C1QTNF1: variants seen among roughly 807,000 people sequenced by gnomAD.
The protein encoded by C1QTNF1 is C1q and TNF related 1, also known as complement C1q tumor necrosis factor-related protein 1.
In C1QTNF1, 22 loss-of-function variants were observed where a neutral mutation model predicts 27.8. That is an observed-to-expected ratio of 0.79 (90% CI 0.56 to 1.13). The LOEUF (loss-of-function observed/expected upper bound fraction) is 1.13. C1QTNF1 is among the 50% of genes most tolerant of loss of function. C1QTNF1 has a pLI of 0.00. For missense variants in C1QTNF1, 373 were observed against 380.2 expected, an observed-to-expected ratio of 0.98 and a Z score of 0.16; for synonymous variants, 166 against 154.3, an observed-to-expected ratio of 1.08 and a Z score of -0.56.
At chr17:79,041,401 G>T (rs1599298865) in intron 1 of C1QTNF1, among the ~76,000 whole-genome samples, 1 of 152,194 alleles carries the variant, frequency 6.6e-6, no homozygotes, top group African/African-American at 2.4e-5. Context: ...AGGCTCTATC[G>T]GGAGAGCCCT....
chr17:79,029,212 C>G (rs1310862487), intron 1 of C1QTNF1, among the ~76,000 whole-genome samples: 1 of 152,168 alleles, frequency 6.6e-6, no homozygotes, highest in East Asian at 1.9e-4. Context: ...GCACCGTAAC[C>G]CTGAGCCCAG....
Position 79,035,512 on chromosome 17 carries a change from C to A in C1QTNF1, c.-14-8443C>A, listed in dbSNP as rs940812215. 2.6e-4 allele frequency among the ~76,000 whole-genome samples: 39 copies of A among 151,718 alleles called. 1 individual carries two copies. The highest frequency in any genetic ancestry group is 5.4e-4 in the Non-Finnish European group (37 of 67,966). On this transcript the variant is annotated intron_variant, in intron 1 of 3. Coordinates refer to ENST00000579760, the MANE Select transcript of C1QTNF1 (RefSeq NM_030968.5). The stretch of plus-strand genomic sequence containing the variant: ...GTGATGCGATCTCAGCTCACTGCAA[C>A]CTCTGCCTCCTGGGTTCAAGCGATT...
chr17:79,037,187 T>C (rs1247276882), intron 1 of C1QTNF1, among the ~76,000 whole-genome samples: 1 of 152,202 alleles, frequency 6.6e-6, no homozygotes, highest in Non-Finnish European at 1.5e-5. Flanking sequence ...TGGAGTGCAG[T>C]GGCATGATCT....
chr17:79,027,088 G>GC (rs1337098022), intron 1 of C1QTNF1, among the ~76,000 whole-genome samples: 1 of 151,564 alleles, frequency 6.6e-6, no homozygotes, highest in Non-Finnish European at 1.5e-5. Flanking sequence ...GGGCGGGGGG[G>GC]GGCTGTGGCT....
chr17:79,046,749 G>C lies in C1QTNF1; in HGVS notation c.295+55G>C, dbSNP rs1035847572. 8 of 1,604,768 alleles carry C rather than the reference G, an allele frequency of 5.0e-6. No homozygotes were observed. The highest frequency in any genetic ancestry group is 6.8e-6 in the Non-Finnish European group (8 of 1,173,824). On this transcript the variant is annotated intron_variant, in intron 3 of 3. Coordinates refer to ENST00000579760, the MANE Select transcript of C1QTNF1 (RefSeq NM_030968.5). This position sits in a 1 kb window ranked among gnomAD's most constrained non-coding sequence, Gnocchi z 4.8. ...TGGCCGGGCTGCTCTGTGCTGATCCGGAGGAAGGGATGGAGTCGTTAGGGT... is the reference window on the plus strand; with the variant it reads ...TGGCCGGGCTGCTCTGTGCTGATCCCGAGGAAGGGATGGAGTCGTTAGGGT...
Position 79,027,121 on chromosome 17 carries a change from G to A in C1QTNF1, c.-15+2627G>A, listed in dbSNP as rs560091102. 6.6e-5 allele frequency among the ~76,000 whole-genome samples: 10 copies of A among 152,086 alleles called. No homozygotes were observed. In the East Asian group the frequency reaches 1.7e-3, roughly 27 times the overall value. On this transcript the variant is annotated intron_variant, in intron 1 of 3. Coordinates refer to ENST00000579760, the MANE Select transcript of C1QTNF1 (RefSeq NM_030968.5). Reference sequence around the variant, plus strand: ...GCTGAGGCTCCAGAACCTTAGGGAAGGGGTGGGGGTGACGGACACCAGGAA... The same window carrying A: ...GCTGAGGCTCCAGAACCTTAGGGAAAGGGTGGGGGTGACGGACACCAGGAA...
chr17:79,043,831 A>C (rs1181144227), intron 1 of C1QTNF1, 124 bp from the exon 2 acceptor site: 1 of 1,001,744 alleles, frequency 1.0e-6, no homozygotes, highest in Non-Finnish European at 1.6e-6. Context: ...AGCATTTCCC[A>C]GTGGCGTGAG....
At chr17:79,036,880 T>C (rs1411892297) in intron 1 of C1QTNF1, among the ~76,000 whole-genome samples, 2 of 152,214 alleles carry the variant, frequency 1.3e-5, no homozygotes, top group Non-Finnish European at 2.9e-5. Flanking sequence ...AAGGAGATTA[T>C]AGGCTTCTTG....
At chr17:79,028,045 G>A (rs557905496) in intron 1 of C1QTNF1, among the ~76,000 whole-genome samples, 2 of 152,332 alleles carry the variant, frequency 1.3e-5, no homozygotes, top group Non-Finnish European at 2.9e-5. Context: ...CCGTCGGGAC[G>A]GCTGTGGCCG....
chr17:79,031,777 A>G (rs1192451676), intron 1 of C1QTNF1, among the ~76,000 whole-genome samples: 1 of 152,232 alleles, frequency 6.6e-6, no homozygotes, highest in African/African-American at 2.4e-5. Context: ...CTGGACATGT[A>G]GGTGGTTTGT....
rs1035847572 is a variant in C1QTNF1 at position 79,046,749 on chromosome 17, G to A, written c.295+55G>A. The stretch of plus-strand genomic sequence containing the variant: ...TGGCCGGGCTGCTCTGTGCTGATCC[G>A]GAGGAAGGGATGGAGTCGTTAGGGT... On this transcript the variant is annotated intron_variant, in intron 3 of 3. Transcript: ENST00000579760. The surrounding 1 kb of genome is among the most constrained non-coding windows in gnomAD (Gnocchi z 4.8). 5.0e-5 allele frequency: 81 copies of A among 1,604,652 alleles called. 1 individual carries two copies. Among genetic ancestry groups the A allele is most frequent in the South Asian group, 3.0e-4 (27 of 90,518 alleles).
Position 79,043,994 on chromosome 17 carries a change from TGC to T in C1QTNF1, c.27_28del (p.Leu9PhefsTer32). The T allele has an allele frequency of 1.9e-6, 3 of 1,614,198 alleles. No individual in the cohort carries two copies. Among genetic ancestry groups the T allele is most frequent in the Non-Finnish European group, 2.5e-6 (3 of 1,180,026 alleles). Reference sequence around the variant, plus strand: ...ATGGGCTCCCGTGGACAGGGACTCTTGCTGGCGTACTGCCTGCTCCTTGCCTT... The same window carrying T: ...ATGGGCTCCCGTGGACAGGGACTCTTTGGCGTACTGCCTGCTCCTTGCCTT... On this transcript the variant is annotated frameshift_variant, in exon 2 of 4. Transcript: ENST00000579760. LOFTEE classifies it high-confidence loss of function.
At chr17:79,044,206 G>A (rs2072506725) in intron 2 of C1QTNF1, 83 bp downstream of exon 2, 1 of 1,415,124 alleles carries the variant, frequency 7.1e-7, no homozygotes, top group Non-Finnish European at 9.3e-7. Flanking sequence ...GGGGGAGCTA[G>A]TTCACTGTGA....
At chr17:79,047,439 C>A (rs556533504) in intron 3 of C1QTNF1, 99 bp from the exon 4 acceptor site, 2 of 1,244,556 alleles carry the variant, frequency 1.6e-6, no homozygotes, top group Non-Finnish European at 2.2e-6. Flanking sequence ...GCTGTGAGGA[C>A]GAATCAGGAC....
At chr17:79,047,407 G>A in intron 3 of C1QTNF1, 131 bp from the exon 4 acceptor site, 1 of 922,166 alleles carries the variant, frequency 1.1e-6, no homozygotes, top group Non-Finnish European at 1.6e-6. Flanking sequence ...GGGGGCAGGA[G>A]TGAAGCTTCT....
At chr17:79,030,454 C>CT (rs2072094131) in intron 1 of C1QTNF1, among the ~76,000 whole-genome samples, 2 of 140,988 alleles carry the variant, frequency 1.4e-5, no homozygotes, top group African/African-American at 5.5e-5. Context: ...TTTCTTCTTT[C>CT]TTTCTTTTCT....
chr17:79,027,970 C>G (rs1439944881), intron 1 of C1QTNF1, among the ~76,000 whole-genome samples: 1 of 152,236 alleles, frequency 6.6e-6, no homozygotes, highest in Non-Finnish European at 1.5e-5. Flanking sequence ...AGCCGTTCTC[C>G]AGCTTCAGAT....
chr17:79,043,694 A>G (rs560441595), intron 1 of C1QTNF1: 90 of 590,264 alleles, frequency 1.5e-4, no homozygotes, highest in African/African-American at 1.3e-3. Context: ...GAGTGTGTGC[A>G]TGTGTGGGGG....
intron 2 of C1QTNF1, among the ~76,000 whole-genome samples, chr17:79,045,829 G>A (rs185940094): frequency 3.9e-5 from 6 of 152,274 alleles, no homozygotes; most frequent in South Asian, 2.1e-4. Flanking sequence ...GGGGTGAGAT[G>A]TCCATCTGGG....
Sources: gnomAD v4.1 joint callset for allele counts (sites outside exome capture counted in the v4.1 genomes callset) on GRCh38, gnomAD v4.1.1 for gene constraint, Gnocchi (gnomAD v3.1) non-coding constraint, MANE v1.5 for transcripts, NCBI Gene and HGNC (gene_info 2026-07-23, HGNC 2026-07-21) for gene names.